The following TMEM132B variants were observed in gnomAD, a reference collection of about 807,000 sequenced individuals.
The protein encoded by TMEM132B is transmembrane protein 132B.
A neutral mutation model predicts 90.8 loss-of-function variants in TMEM132B; 18 were observed. That is an observed-to-expected ratio of 0.20 (90% CI 0.14 to 0.29). The LOEUF (loss-of-function observed/expected upper bound fraction) is 0.29. Among genes scored for constraint, TMEM132B ranks in the 10% least tolerant of loss-of-function variants. The probability of loss-of-function intolerance (pLI) is 1.00; values close to 1 mark genes in which losing one functional copy is unlikely to be tolerated. For synonymous variants in TMEM132B, 504 were observed against 523.3 expected, an observed-to-expected ratio of 0.96 and a Z score of 0.50; for missense variants, 1,096 against 1,326.8, an observed-to-expected ratio of 0.83 and a Z score of 2.70.
intron 1 of TMEM132B, among the ~76,000 whole-genome samples, chr12:125,257,891 C>T (rs963991434): frequency 5.3e-5 from 8 of 152,118 alleles, no homozygotes; most frequent in Admixed American, 4.6e-4. Flanking sequence ...GGGAGTGAGG[C>T]CCTGGCTACA....
chr12:125,535,575 A>G (rs1883774585), intron 4 of TMEM132B, among the ~76,000 whole-genome samples: 1 of 152,210 alleles, frequency 6.6e-6, no homozygotes, highest in Non-Finnish European at 1.5e-5. Context: ...GAAGGAGGAA[A>G]GATTCTCTGC....
At position 125,186,983 on chromosome 12, in the gene TMEM132B, C is replaced by T. The variant is rs371876982; in HGVS notation, c.67+117C>T. ...CGCGCATCTCCCGGACTTGGACAGA[C>T]CTGGGGAGACCCTGGGAACCCAGGA... On this transcript the variant is annotated intron_variant, in intron 1 of 8. Transcript: ENST00000682704. The surrounding 1 kb of genome is among the most constrained non-coding windows in gnomAD (Gnocchi z 6.3). 6.6e-6 allele frequency: 1 copy of T among 152,290 alleles called. No homozygotes were observed. Among genetic ancestry groups the T allele is most frequent in the African/African-American group, 2.4e-5 (1 of 41,448 alleles). 9.4% of individuals were successfully genotyped at this position (152,290 alleles called of 1,614,324 possible).
At position 125,415,674 on chromosome 12, in the gene TMEM132B, G is replaced by A. The variant is rs761434284; in HGVS notation, c.1103G>A (p.Ser368Asn). The change falls in exon 3 of 9, where the codon AGC becomes AAC. Residue 368 changes from serine (S) to asparagine (N), a missense_variant. Coordinates refer to ENST00000682704, the MANE Select transcript of TMEM132B (RefSeq NM_001366854.1). This position sits in a 1 kb window ranked among gnomAD's most constrained non-coding sequence, Gnocchi z 5.3. ...ATGGGCCATCGCCCGGACACGCAGAGCAGGTAAGCATGGAGATCCCCAAGG... is the reference window on the plus strand; with the variant it reads ...ATGGGCCATCGCCCGGACACGCAGAACAGGTAAGCATGGAGATCCCCAAGG... ...TCMGHRPDTQSRVNGSFYEIL... is the reference protein window; with the variant it reads ...TCMGHRPDTQNRVNGSFYEIL... The A allele has an allele frequency of 1.9e-6, 3 of 1,614,076 alleles. No homozygotes were observed. Among genetic ancestry groups the A allele is most frequent in the East Asian group, 2.2e-5 (1 of 44,864 alleles).
At chr12:125,375,917 C>T (rs560198931) in intron 2 of TMEM132B, among the ~76,000 whole-genome samples, 10 of 152,214 alleles carry the variant, frequency 6.6e-5, no homozygotes, top group Admixed American at 2.0e-4. Context: ...CCTTGGGAAC[C>T]GCCAGGGAAG....
intron 3 of TMEM132B, among the ~76,000 whole-genome samples, chr12:125,480,677 G>A (rs954957304): frequency 1.5e-4 from 23 of 152,180 alleles, no homozygotes; most frequent in African/African-American, 5.3e-4. Context: ...TTCTACCAGA[G>A]GTACAAAGAA....
At chr12:125,571,481 T>G (rs774117292) in intron 4 of TMEM132B, among the ~76,000 whole-genome samples, 9 of 152,226 alleles carry the variant, frequency 5.9e-5, no homozygotes, top group Admixed American at 1.3e-4. Flanking sequence ...AAATAATGCA[T>G]GTAAATAACT....
intron 4 of TMEM132B, among the ~76,000 whole-genome samples, chr12:125,561,478 A>G (rs893870783): frequency 7.2e-5 from 11 of 152,130 alleles, no homozygotes; most frequent in African/African-American, 2.7e-4. Flanking sequence ...TTTGTAACAA[A>G]CCTGCACGTT....
At chr12:125,628,152 T>C (rs933930048) in intron 5 of TMEM132B, among the ~76,000 whole-genome samples, 4 of 152,206 alleles carry the variant, frequency 2.6e-5, no homozygotes, top group Non-Finnish European at 4.4e-5. Flanking sequence ...TTCCTTTCTT[T>C]TGGGTATATA....
chr12:125,413,924 T>C (rs75571533), intron 2 of TMEM132B, among the ~76,000 whole-genome samples: 4,826 of 152,328 alleles, frequency 0.032, 137 homozygotes, highest in Non-Finnish European at 0.047. Context: ...AAAACTGTTT[T>C]GCACAGTGGT....
chr12:125,318,075 T>C (rs1478640898), intron 1 of TMEM132B, among the ~76,000 whole-genome samples: 2 of 152,170 alleles, frequency 1.3e-5, no homozygotes, highest in Non-Finnish European at 2.9e-5. Flanking sequence ...AGACATAATG[T>C]TGGGTGGAAA....
intron 5 of TMEM132B, among the ~76,000 whole-genome samples, chr12:125,600,077 G>T (rs1885536138): frequency 6.6e-6 from 1 of 152,036 alleles, no homozygotes; most frequent in African/African-American, 2.4e-5. Flanking sequence ...CATCATTGGA[G>T]GATTTTATTT....
At chr12:125,249,985 C>T (rs144510814) in intron 1 of TMEM132B, among the ~76,000 whole-genome samples, 21 of 152,224 alleles carry the variant, frequency 1.4e-4, no homozygotes, top group African/African-American at 4.8e-4. Context: ...GAGGAAGACT[C>T]TGAGGCGGAG....
chr12:125,293,087 C>A (rs1305730456), intron 1 of TMEM132B, among the ~76,000 whole-genome samples: 1 of 152,104 alleles, frequency 6.6e-6, no homozygotes, highest in Admixed American at 6.5e-5. Context: ...GGGGCTGGCT[C>A]CTTTCAACAC....
At chr12:125,377,213 A>G (rs1878521333) in intron 2 of TMEM132B, among the ~76,000 whole-genome samples, 1 of 152,182 alleles carries the variant, frequency 6.6e-6, no homozygotes, top group South Asian at 2.1e-4. Context: ...ACTTCAGTTG[A>G]TGGGGAACTG....
At chr12:125,634,598 G>A (rs905129095) in intron 5 of TMEM132B, among the ~76,000 whole-genome samples, 4 of 152,178 alleles carry the variant, frequency 2.6e-5, no homozygotes, top group South Asian at 2.1e-4. Context: ...GGATATTGCC[G>A]CTGGTTTTTC....
chr12:125,385,282 TG>T (rs1212483707), intron 2 of TMEM132B, among the ~76,000 whole-genome samples: 1 of 152,168 alleles, frequency 6.6e-6, no homozygotes, highest in African/African-American at 2.4e-5. Context: ...TGTTTCTTCT[TG>T]ATAATATTTG....
chr12:125,298,157 G>C (rs1875717366), intron 1 of TMEM132B, among the ~76,000 whole-genome samples: 1 of 152,194 alleles, frequency 6.6e-6, no homozygotes, highest in Non-Finnish European at 1.5e-5. Flanking sequence ...TGTGGAGGCT[G>C]AGGTGGATCA....
At chr12:125,587,912 T>A (rs1169994305) in intron 5 of TMEM132B, 3 of 151,944 alleles carry the variant, frequency 2.0e-5, no homozygotes, top group Non-Finnish European at 4.4e-5. Flanking sequence ...ACAGGAGAAA[T>A]GATTGAAGGA....
intron 5 of TMEM132B, among the ~76,000 whole-genome samples, chr12:125,594,115 T>C (rs1445184774): frequency 6.6e-6 from 1 of 152,210 alleles, no homozygotes; most frequent in Non-Finnish European, 1.5e-5. Flanking sequence ...TCACTGAAGA[T>C]TTTCATTTTA....
Sources: allele counts gnomAD v4.1 joint callset (sites outside exome capture counted in the v4.1 genomes callset), GRCh38; gene constraint gnomAD v4.1.1; non-coding constraint Gnocchi (gnomAD v3.1); transcripts MANE v1.5; gene names NCBI Gene and HGNC (gene_info 2026-07-23, HGNC 2026-07-21).